Variants in DOP1B observed in about 807,000 individuals in gnomAD.
The protein encoded by DOP1B is protein DOP1B.
A neutral mutation model predicts 233.5 loss-of-function variants in DOP1B; 174 were observed. That is an observed-to-expected ratio of 0.75 (90% CI 0.66 to 0.85). The LOEUF is 0.85. DOP1B is among the 40% of genes least tolerant of loss of function. The pLI is 0.00. For missense variants in DOP1B, 2,652 were observed against 2,846.6 expected, an observed-to-expected ratio of 0.93 and a Z score of 1.56; for synonymous variants, 1,190 against 1,185.6, an observed-to-expected ratio of 1.00 and a Z score of -0.08.
At chr21:36,198,603 C>T (rs1425378153) in intron 2 of DOP1B, among the ~76,000 whole-genome samples, 2 of 152,168 alleles carry the variant, frequency 1.3e-5, no homozygotes, top group African/African-American at 4.8e-5. Flanking sequence ...TGTCGTGTAT[C>T]CTGCTTATGG....
intron 11 of DOP1B, among the ~76,000 whole-genome samples, chr21:36,224,418 G>C (rs1011087100): frequency 2.6e-5 from 4 of 151,836 alleles, no homozygotes; most frequent in African/African-American, 9.7e-5. Flanking sequence ...GACCTCAAGT[G>C]ATCCACCCGC....
At chr21:36,263,885 G>C in intron 26 of DOP1B, 71 bp downstream of exon 26, 1 of 1,409,670 alleles carries the variant, frequency 7.1e-7, no homozygotes, top group Non-Finnish European at 1.0e-6. Flanking sequence ...GGGGATATCA[G>C]ATAGCAGGTA....
intron 1 of DOP1B, 74 bp from the exon 2 acceptor site, chr21:36,164,634 T>G: frequency 8.0e-7 from 1 of 1,243,376 alleles, no homozygotes; most frequent in Non-Finnish European, 1.1e-6. Context: ...ACGTGTCTTC[T>G]GTAGCTCTGG....
chr21:36,251,171 C>CA lies in DOP1B; in HGVS notation c.5014dup (p.Ile1672AsnfsTer34). ...TTTCCCTATTTTCTAGACCATAAGA[C>CA]AAAAAATTTTAGACTTCTTAAACCC... On this transcript the variant is annotated frameshift_variant, in exon 22 of 37. Transcript: ENST00000691173. LOFTEE classifies it high-confidence loss of function. 1.9e-6 allele frequency: 3 copies of CA among 1,609,514 alleles called. No homozygotes were observed. The highest frequency in any genetic ancestry group is 2.5e-6 in the Non-Finnish European group (3 of 1,178,950).
chr21:36,197,255 T>C (rs2066302152), intron 2 of DOP1B, among the ~76,000 whole-genome samples: 1 of 152,136 alleles, frequency 6.6e-6, no homozygotes, highest in South Asian at 2.1e-4. Context: ...TTTAAAGATG[T>C]CATTTTATTG....
intron 2 of DOP1B, among the ~76,000 whole-genome samples, chr21:36,185,957 C>G (rs1474211095): frequency 6.6e-6 from 1 of 152,164 alleles, no homozygotes; most frequent in African/African-American, 2.4e-5. Flanking sequence ...AATCCCAGCA[C>G]TTTGGGTGGC....
intron 2 of DOP1B, among the ~76,000 whole-genome samples, chr21:36,191,958 T>G (rs1285858158): frequency 1.3e-5 from 2 of 152,148 alleles, no homozygotes; most frequent in East Asian, 3.8e-4. Flanking sequence ...TACATTCATA[T>G]TGTGTATCCT....
chr21:36,197,995 G>C (rs1275148687), intron 2 of DOP1B, among the ~76,000 whole-genome samples: 1 of 149,646 alleles, frequency 6.7e-6, no homozygotes, highest in Non-Finnish European at 1.5e-5. Flanking sequence ...ACTCCGGCCT[G>C]GGCAACAGAG....
At position 36,208,924 on chromosome 21, in the gene DOP1B, C is replaced by A; in HGVS notation, c.681+20C>A. 1 of 1,493,566 alleles carries A rather than the reference C, an allele frequency of 6.7e-7. No homozygotes were observed. The highest frequency in any genetic ancestry group is 8.9e-7 in the Non-Finnish European group (1 of 1,121,308). The allele number at this position is 1,493,566 out of a possible 1,614,324, so 92.5% of individuals were successfully genotyped here. A position where few individuals can be genotyped will look rare whatever the true frequency, so the allele number is the denominator to read the frequency against. On this transcript the variant is annotated intron_variant, in intron 5 of 36. Coordinates refer to ENST00000691173, the MANE Select transcript of DOP1B (RefSeq NM_001320714.2). ...CTCACGGTGGGTGCTGTGTTCCTCACAGGGCATGGGGAGGAGGCGACATGT... is the reference window on the plus strand; with the variant it reads ...CTCACGGTGGGTGCTGTGTTCCTCAAAGGGCATGGGGAGGAGGCGACATGT...
chr21:36,284,896 A>T, intron 32 of DOP1B, among the ~76,000 whole-genome samples: 1 of 150,096 alleles, frequency 6.7e-6, no homozygotes, highest in African/African-American at 2.4e-5. Context: ...TATTGACATG[A>T]TTGTAATAAC....
chr21:36,186,851 G>C (rs1653161811), intron 2 of DOP1B, among the ~76,000 whole-genome samples: 1 of 152,144 alleles, frequency 6.6e-6, no homozygotes, highest in African/African-American at 2.4e-5. Context: ...AGAGCTATCA[G>C]GTGACTTGTG....
At chr21:36,242,514 T>TG (rs2066903810) in intron 18 of DOP1B, among the ~76,000 whole-genome samples, 1 of 152,078 alleles carries the variant, frequency 6.6e-6, no homozygotes, top group Non-Finnish European at 1.5e-5. Context: ...TGTTTCGCCA[T>TG]GTTGGCTAGA....
chr21:36,273,922 A>G (rs1465517913), intron 27 of DOP1B, among the ~76,000 whole-genome samples: 2 of 151,936 alleles, frequency 1.3e-5, no homozygotes, highest in Non-Finnish European at 2.9e-5. Context: ...AAAAATACAA[A>G]AAGAAATTAG....
intron 11 of DOP1B, among the ~76,000 whole-genome samples, chr21:36,225,086 A>G (rs2066666913): frequency 6.6e-6 from 1 of 152,166 alleles, no homozygotes; most frequent in African/African-American, 2.4e-5. Context: ...CAGGACACTT[A>G]TTGACACTTC....
intron 35 of DOP1B, among the ~76,000 whole-genome samples, chr21:36,291,674 T>C (rs2067561214): frequency 6.6e-6 from 1 of 152,194 alleles, no homozygotes; most frequent in Non-Finnish European, 1.5e-5. Context: ...GCAGATCATG[T>C]GACATATCCA....
chr21:36,212,729 T>C (rs2066514301), intron 7 of DOP1B, among the ~76,000 whole-genome samples: 1 of 152,236 alleles, frequency 6.6e-6, no homozygotes, highest in African/African-American at 2.4e-5. Flanking sequence ...AGAAAACGTA[T>C]ACAAAACGAT....
intron 26 of DOP1B, among the ~76,000 whole-genome samples, chr21:36,268,934 C>G (rs932864594): frequency 2.0e-5 from 3 of 152,152 alleles, no homozygotes; most frequent in African/African-American, 7.2e-5. Context: ...TCCCAAAGTG[C>G]TGGGATTACA....
chr21:36,201,877 G>A (rs932782399), intron 4 of DOP1B, among the ~76,000 whole-genome samples: 2 of 152,032 alleles, frequency 1.3e-5, no homozygotes, highest in African/African-American at 4.8e-5. Context: ...GGGAGAAAGT[G>A]TGAATCTGTT....
intron 18 of DOP1B, 107 bp from the exon 19 acceptor site, chr21:36,244,941 A>T: frequency 8.7e-7 from 1 of 1,145,484 alleles, no homozygotes. Context: ...TGAGAATTTT[A>T]GGAATATTGA....
Sources: allele counts gnomAD v4.1 joint callset (sites outside exome capture counted in the v4.1 genomes callset), GRCh38; gene constraint gnomAD v4.1.1; transcripts MANE v1.5; gene names NCBI Gene and HGNC (gene_info 2026-07-23, HGNC 2026-07-21).